ZFHX3: variants seen among roughly 807,000 people sequenced by gnomAD.
The protein encoded by ZFHX3 is zinc finger homeobox protein 3.
In ZFHX3, 42 loss-of-function variants were observed where a neutral mutation model predicts 279.1. The ratio of observed to expected loss-of-function variants is 0.15; its 90% CI spans 0.12 to 0.19. The LOEUF (loss-of-function observed/expected upper bound fraction) is 0.19. ZFHX3 is among the 10% of genes least tolerant of loss of function. The probability of loss-of-function intolerance (pLI) is 1.00; values close to 1 mark genes in which losing one functional copy is unlikely to be tolerated. For synonymous variants in ZFHX3, 2,293 were observed against 1,957.8 expected (o/e 1.17, Z -4.52); for missense variants, 4,981 against 4,754.0 (o/e 1.05, Z -1.40).
At chr16:72,848,663 G>C (rs971863528) in intron 4 of ZFHX3, among the ~76,000 whole-genome samples, 1 of 98,686 alleles carries the variant, frequency 1.0e-5, no homozygotes, top group African/African-American at 4.0e-5. Flanking sequence ...TATGCCACTG[G>C]AACACCTCCT....
chr16:72,904,706 G>A (rs2039126761), intron 3 of ZFHX3, among the ~76,000 whole-genome samples: 1 of 152,156 alleles, frequency 6.6e-6, no homozygotes, highest in Non-Finnish European at 1.5e-5. Flanking sequence ...TCCTACGGCA[G>A]GCTGGTGGCA....
chr16:73,356,484 C>T (rs28626141), intron 3 of ZFHX3, among the ~76,000 whole-genome samples: 4,203 of 152,116 alleles, frequency 0.028, 207 homozygotes, highest in African/African-American at 0.095. Context: ...CTTGTCCCCA[C>T]GCTGAGACGG....
At chr16:72,824,719 T>C (rs1220802262) in intron 5 of ZFHX3, among the ~76,000 whole-genome samples, 1 of 152,218 alleles carries the variant, frequency 6.6e-6, no homozygotes, top group Non-Finnish European at 1.5e-5. Context: ...CCCCTAATTA[T>C]TGGTGATAAA....
At chr16:72,888,366 T>C (rs962047001) in intron 4 of ZFHX3, among the ~76,000 whole-genome samples, 3 of 151,976 alleles carry the variant, frequency 2.0e-5, no homozygotes, top group African/African-American at 7.3e-5. Context: ...GAAAAAGAAG[T>C]GTGGCAGAGA....
chr16:73,141,121 T>C (rs1397767848), intron 6 of ZFHX3, among the ~76,000 whole-genome samples: 1 of 152,210 alleles, frequency 6.6e-6, no homozygotes, highest in Admixed American at 6.5e-5. Flanking sequence ...TGATTCAATA[T>C]AATACCACGC....
intron 1 of ZFHX3, among the ~76,000 whole-genome samples, chr16:73,888,195 A>G (rs575883654): frequency 6.6e-4 from 101 of 152,278 alleles, no homozygotes; most frequent in African/African-American, 2.2e-3. Flanking sequence ...AATGAGTAAA[A>G]CTAGGTTAGA....
chr16:73,197,924 G>GTTTTTT lies in ZFHX3; in HGVS notation c.-1103-54099_-1103-54094dup, dbSNP rs71156148. On this transcript the variant is annotated intron_variant, in intron 5 of 17. Coordinates refer to the ZFHX3 transcript ENST00000641206. ...GATAAGTAGAGTATCTGATTTGGTG[G>GTTTTTT]TTTTTTTTTTTTTTTTTTTTTTTTT... Among the ~76,000 whole-genome samples the GTTTTTT allele has an allele frequency of 8.6e-3, 465 of 53,828 alleles. 59 individuals carry two copies. Among genetic ancestry groups the GTTTTTT allele is most frequent in the Middle Eastern group, 0.016 (1 of 64 alleles). The allele number at this position is 53,828 out of a possible 152,430, so 35.3% of individuals were successfully genotyped here. A position where few individuals can be genotyped will look rare whatever the true frequency, so the allele number is the denominator to read the frequency against.
chr16:73,179,724 T>A (rs954064393), intron 5 of ZFHX3, among the ~76,000 whole-genome samples: 1 of 152,164 alleles, frequency 6.6e-6, no homozygotes, highest in Non-Finnish European at 1.5e-5. Context: ...GGGTCCTTTA[T>A]ACGCATCTTG....
chr16:73,046,302 T>C (rs1219602508), intron 1 of ZFHX3, among the ~76,000 whole-genome samples: 3 of 152,178 alleles, frequency 2.0e-5, no homozygotes, highest in Non-Finnish European at 4.4e-5. Flanking sequence ...CATGTTTGAG[T>C]AGCAAGAGGG....
Position 73,303,947 on chromosome 16 carries a change from T to C in ZFHX3, c.-1194+14293A>G, listed in dbSNP as rs2015116951. Among the ~76,000 whole-genome samples the C allele has an allele frequency of 3.3e-5, 4 of 122,140 alleles. No homozygotes were observed. The South Asian group carries it at 1.0e-3, about 32-fold the overall frequency. The allele number at this position is 122,140 out of a possible 152,430, so 80.1% of individuals were successfully genotyped here. ...GATGCTCACCCAATCTGATGGAGGT[T>C]CAAAAACCCTAGGTGGAAAAAAAAA... On this transcript the variant is annotated intron_variant, in intron 4 of 17. Coordinates refer to the ZFHX3 transcript ENST00000641206.
At chr16:73,866,985 C>T (rs149532934) in intron 1 of ZFHX3, among the ~76,000 whole-genome samples, 20 of 152,202 alleles carry the variant, frequency 1.3e-4, no homozygotes, top group Admixed American at 1.2e-3. Flanking sequence ...TGAGGGCATT[C>T]AATTTCTGGC....
intron 1 of ZFHX3, among the ~76,000 whole-genome samples, chr16:73,755,370 C>T (rs1021743584): frequency 5.9e-5 from 9 of 152,016 alleles, no homozygotes; most frequent in Non-Finnish European, 1.5e-5. Context: ...GTTTAAACTC[C>T]CTAACGGCCT....
chr16:73,142,166 G>T (rs1035353540), intron 6 of ZFHX3, among the ~76,000 whole-genome samples: 6 of 152,102 alleles, frequency 3.9e-5, no homozygotes, highest in Admixed American at 3.9e-4. Flanking sequence ...CTCTTAACCA[G>T]CTGAGTGACA....
chr16:73,360,623 G>A (rs973091878), intron 3 of ZFHX3, among the ~76,000 whole-genome samples: 1 of 152,254 alleles, frequency 6.6e-6, no homozygotes, highest in Non-Finnish European at 1.5e-5. Context: ...ACAGGCATGA[G>A]CCACCATGCC....
chr16:73,168,176 T>C (rs1014365412), intron 5 of ZFHX3, among the ~76,000 whole-genome samples: 1 of 151,914 alleles, frequency 6.6e-6, no homozygotes, highest in Non-Finnish European at 1.5e-5. Flanking sequence ...ACCTGCCCCA[T>C]AAATGCCAGC....
At chr16:72,986,541 C>A (rs1324315048) in intron 1 of ZFHX3, among the ~76,000 whole-genome samples, 3 of 152,156 alleles carry the variant, frequency 2.0e-5, no homozygotes, top group African/African-American at 7.2e-5. Context: ...TCTATCATGC[C>A]CAAGGCACCC....
chr16:73,566,672 C>G (rs973558903), intron 2 of ZFHX3, among the ~76,000 whole-genome samples: 4 of 150,704 alleles, frequency 2.7e-5, no homozygotes, highest in Non-Finnish European at 5.9e-5. Flanking sequence ...AGGTGCAGAC[C>G]ATCACACCAA....
intron 1 of ZFHX3, among the ~76,000 whole-genome samples, chr16:73,690,828 C>G (rs114164681): frequency 0.011 from 1,616 of 152,298 alleles, 29 homozygotes; most frequent in African/African-American, 0.033. Flanking sequence ...TACCTTACAC[C>G]ATCTGCTCGC....
chr16:72,952,627 A>G (rs934259221), intron 2 of ZFHX3, among the ~76,000 whole-genome samples: 1 of 152,232 alleles, frequency 6.6e-6, no homozygotes, highest in African/African-American at 2.4e-5. Context: ...GGATTGAGAC[A>G]GGCAGTGAGA....
Sources: gnomAD v4.1 joint callset for allele counts (sites outside exome capture counted in the v4.1 genomes callset) on GRCh38, gnomAD v4.1.1 for gene constraint, MANE v1.5 for transcripts, NCBI Gene and HGNC (gene_info 2026-07-23, HGNC 2026-07-21) for gene names.